The following POLDIP3 variants were observed in gnomAD, a reference collection of about 807,000 sequenced individuals.
POLDIP3 encodes polymerase delta-interacting protein 3.
A neutral mutation model predicts 45.1 loss-of-function variants in POLDIP3; 14 were observed. The observed-to-expected ratio is 0.31, with a 90% CI of 0.20 to 0.49. The LOEUF is 0.49. Among genes scored for constraint, POLDIP3 ranks in the 20% least tolerant of loss-of-function variants. The probability of loss-of-function intolerance (pLI) is 0.99; values close to 1 mark genes in which losing one functional copy is unlikely to be tolerated. For synonymous variants in POLDIP3, 223 were observed against 205.2 expected, an observed-to-expected ratio of 1.09 and a Z score of -0.74; for missense variants, 511 against 538.8, an observed-to-expected ratio of 0.95 and a Z score of 0.51.
chr22:42,614,391 A>C (rs1601915364), intron 1 of POLDIP3, among the ~76,000 whole-genome samples: 2 of 152,134 alleles, frequency 1.3e-5, no homozygotes, highest in Admixed American at 1.3e-4. Flanking sequence ...CCCCGCTACT[A>C]AACTTCGGTT....
At chr22:42,601,881 C>G (rs774364161) in intron 3 of POLDIP3, 89 bp downstream of exon 3, 1 of 1,444,038 alleles carries the variant, frequency 6.9e-7, no homozygotes, top group Non-Finnish European at 9.4e-7. Context: ...GTCCATCCAC[C>G]CAAGTAGGCC....
chr22:42,605,957 C>T (rs576254382), intron 1 of POLDIP3, among the ~76,000 whole-genome samples: 14 of 151,986 alleles, frequency 9.2e-5, no homozygotes, highest in Non-Finnish European at 1.8e-4. Context: ...GCCTGGCCAA[C>T]ATGGTGAAAC....
intron 1 of POLDIP3, among the ~76,000 whole-genome samples, chr22:42,612,302 A>C (rs1927174726): frequency 1.3e-5 from 2 of 152,250 alleles, no homozygotes; most frequent in African/African-American, 4.8e-5. Context: ...CTAATAAAGT[A>C]GATATTACTC....
At chr22:42,587,798 A>T (rs764947480) in intron 7 of POLDIP3, among the ~76,000 whole-genome samples, 1 of 152,228 alleles carries the variant, frequency 6.6e-6, no homozygotes, top group Non-Finnish European at 1.5e-5. Flanking sequence ...AAGTGGCCAC[A>T]AACCTTGCTT....
In POLDIP3 at chr22:42,610,021, A is replaced by T. The variant is rs1927024252; in HGVS notation, c.59+4778T>A. 2.6e-5 allele frequency among the ~76,000 whole-genome samples: 4 copies of T among 152,232 alleles called. No homozygotes were observed. In the South Asian group the frequency reaches 8.3e-4, roughly 32 times the overall value. On this transcript the variant is annotated intron_variant, in intron 1 of 8. Coordinates refer to ENST00000252115, the MANE Select transcript of POLDIP3 (RefSeq NM_032311.5). Reference sequence around the variant, plus strand: ...AACCCTGTCTCTACTAAAAATACAAAAAATTAGCCGGGCGTAGTGGCCCAT... The same window carrying T: ...AACCCTGTCTCTACTAAAAATACAATAAATTAGCCGGGCGTAGTGGCCCAT...
intron 7 of POLDIP3, among the ~76,000 whole-genome samples, chr22:42,590,781 C>T (rs1390525144): frequency 2.2e-4 from 33 of 152,138 alleles, no homozygotes; most frequent in Admixed American, 2.1e-3. Flanking sequence ...AGGCATTTCT[C>T]CAAAGATAGC....
intron 3 of POLDIP3, among the ~76,000 whole-genome samples, chr22:42,601,465 TAAG>T (rs1926368719): frequency 6.6e-6 from 1 of 151,920 alleles, no homozygotes; most frequent in East Asian, 1.9e-4. Flanking sequence ...CTTCCTCTAT[TAAG>T]AAGTTTCTTC....
intron 5 of POLDIP3, among the ~76,000 whole-genome samples, chr22:42,595,981 G>C (rs1210400684): frequency 6.6e-6 from 1 of 152,152 alleles, no homozygotes; most frequent in African/African-American, 2.4e-5. Context: ...CATATCACCA[G>C]ATACCGCAAT....
At chr22:42,591,879 C>G in intron 7 of POLDIP3, 76 bp downstream of exon 7, 1 of 1,588,932 alleles carries the variant, frequency 6.3e-7, no homozygotes, top group South Asian at 1.1e-5. Context: ...ACAGAGACTT[C>G]CCCTGGAAGG....
chr22:42,610,129 G>A (rs774649912), intron 1 of POLDIP3, among the ~76,000 whole-genome samples: 2 of 152,016 alleles, frequency 1.3e-5, no homozygotes, highest in African/African-American at 2.4e-5. Context: ...AGCTGAGATC[G>A]CGCCATTGCA....
At chr22:42,614,311 T>A (rs781328852) in intron 1 of POLDIP3, among the ~76,000 whole-genome samples, 8 of 150,750 alleles carry the variant, frequency 5.3e-5, no homozygotes, top group Non-Finnish European at 8.9e-5. Flanking sequence ...GAGAGGCGAG[T>A]GTTAACAGGG....
At position 42,583,911 on chromosome 22, in the gene POLDIP3, G is replaced by A. The variant is rs1452693588; in HGVS notation, c.*1880C>T. The A allele has an allele frequency of 6.6e-6, 1 of 152,380 alleles. No homozygotes were observed. The highest frequency in any genetic ancestry group is 6.6e-5 in the Admixed American group (1 of 15,236). 9.4% of individuals were successfully genotyped at this position (152,380 alleles called of 1,614,324 possible). A position where few individuals can be genotyped will look rare whatever the true frequency, so the allele number is the denominator to read the frequency against. On this transcript the variant is annotated 3_prime_UTR_variant, in exon 9 of 9. Transcript: ENST00000252115. ...CTCCCAAGATGACTGCTTATAGAGT[G>A]GAGGAGGCAAACAGGTCCCCTCAAT...
At chr22:42,592,534 T>C (rs1357630542) in intron 6 of POLDIP3, among the ~76,000 whole-genome samples, 10 of 152,216 alleles carry the variant, frequency 6.6e-5, no homozygotes, top group Non-Finnish European at 7.3e-5. Flanking sequence ...TCCCTGGACA[T>C]GAGACTTTGA....
Position 42,594,302 on chromosome 22 carries a change from C to A in POLDIP3, c.891+1235G>T, listed in dbSNP as rs1168623296. On this transcript the variant is annotated intron_variant, in intron 6 of 8. Coordinates refer to ENST00000252115, the MANE Select transcript of POLDIP3 (RefSeq NM_032311.5). ...GAGGTGGGTGGATCATTTGAGGTCA[C>A]GAGTTCGAGACCAGCCTGGCCAACA... Among the ~76,000 whole-genome samples the A allele has an allele frequency of 5.3e-5, 8 of 151,632 alleles. 1 individual carries two copies. The South Asian group carries it at 1.7e-3, about 32-fold the overall frequency.
intron 4 of POLDIP3, among the ~76,000 whole-genome samples, chr22:42,599,305 T>C (rs1412038312): frequency 1.3e-5 from 2 of 152,218 alleles, no homozygotes; most frequent in Non-Finnish European, 2.9e-5. Flanking sequence ...TATTTCTGCA[T>C]TGAAAGGCTC....
intron 1 of POLDIP3, among the ~76,000 whole-genome samples, chr22:42,607,372 C>G (rs557138635): frequency 6.6e-6 from 1 of 152,262 alleles, no homozygotes; most frequent in Admixed American, 6.5e-5. Flanking sequence ...CTCGGCCTCC[C>G]GAGGTGCCGG....
chr22:42,584,359 G>A lies in POLDIP3; in HGVS notation c.*1432C>T. The A allele has an allele frequency of 6.3e-6, 1 of 159,152 alleles. No homozygotes were observed. The highest frequency in any genetic ancestry group is 1.4e-5 in the Non-Finnish European group (1 of 71,540). 9.9% of individuals were successfully genotyped at this position (159,152 alleles called of 1,614,324 possible). ...CACACTGAAGCTGGGTTCAAATCCTGGGTCCTTCCTGCCTGACAGACTGAC... is the reference window on the plus strand; with the variant it reads ...CACACTGAAGCTGGGTTCAAATCCTAGGTCCTTCCTGCCTGACAGACTGAC... On this transcript the variant is annotated 3_prime_UTR_variant, in exon 9 of 9. Transcript: ENST00000252115.
chr22:42,613,288 A>G (rs1429239211), intron 1 of POLDIP3, among the ~76,000 whole-genome samples: 1 of 152,246 alleles, frequency 6.6e-6, no homozygotes, highest in African/African-American at 2.4e-5. Flanking sequence ...AGTTGAGGAA[A>G]CAAATACTAA....
chr22:42,609,574 G>T (rs946889944), intron 1 of POLDIP3, among the ~76,000 whole-genome samples: 9 of 152,186 alleles, frequency 5.9e-5, no homozygotes, highest in Admixed American at 5.9e-4. Context: ...AAAAGATTCA[G>T]GCCCATGAAG....
Sources: gnomAD v4.1 joint callset for allele counts (sites outside exome capture counted in the v4.1 genomes callset) on GRCh38, gnomAD v4.1.1 for gene constraint, MANE v1.5 for transcripts, NCBI Gene and HGNC (gene_info 2026-07-23, HGNC 2026-07-21) for gene names.